BPIFB1: variants seen among roughly 807,000 people sequenced by gnomAD.
BPIFB1 encodes the protein BPI fold containing family B member 1, also known as BPI fold-containing family B member 1.
In BPIFB1, 34 loss-of-function variants were observed where a neutral mutation model predicts 55.1. The observed-to-expected ratio is 0.62, with a 90% CI of 0.47 to 0.82. The LOEUF (loss-of-function observed/expected upper bound fraction) is 0.82, where lower values mean the gene tolerates loss of function less well. BPIFB1 is among the 40% of genes least tolerant of loss of function. The pLI, the probability that BPIFB1 is intolerant of heterozygous loss-of-function variation, is 0.00. For synonymous variants in BPIFB1, 236 were observed against 245.3 expected, an observed-to-expected ratio of 0.96 and a Z score of 0.35; for missense variants, 532 against 593.1, an observed-to-expected ratio of 0.90 and a Z score of 1.07.
chr20:33,308,459 C>T (rs1251041101), intron 15 of BPIFB1, among the ~76,000 whole-genome samples: 1 of 151,854 alleles, frequency 6.6e-6, no homozygotes, highest in Non-Finnish European at 1.5e-5. Flanking sequence ...TATACACACA[C>T]ACACGCACAC....
At chr20:33,303,711 G>T (rs554116450) in intron 11 of BPIFB1, among the ~76,000 whole-genome samples, 1 of 152,134 alleles carries the variant, frequency 6.6e-6, no homozygotes, top group Non-Finnish European at 1.5e-5. Flanking sequence ...GGCTGCTTTC[G>T]TCGTCGTCAT....
At chr20:33,307,222 T>C (rs1981061234) in intron 15 of BPIFB1, 1 of 507,596 alleles carries the variant, frequency 2.0e-6, no homozygotes, top group Non-Finnish European at 3.5e-6. Context: ...CATTCATTCA[T>C]TCATTCATTC....
At position 33,295,084 on chromosome 20, in the gene BPIFB1, G is replaced by A. The variant is rs894351691; in HGVS notation, c.598-2441G>A. On this transcript the variant is annotated intron_variant, in intron 6 of 15. Coordinates refer to ENST00000253354, the MANE Select transcript of BPIFB1 (RefSeq NM_033197.3). ...ACAAAAATTAGCTGGGCGCAGTGGC[G>A]CACACCTGTAATCCTAACTACTTGG... 2.0e-5 allele frequency among the ~76,000 whole-genome samples: 3 copies of A among 151,774 alleles called. No individual in the cohort carries two copies. In the East Asian group the frequency reaches 5.8e-4, roughly 30 times the overall value.
rs776418767 is a variant in BPIFB1, at chr20:33,303,017, C to T, written c.1083C>T (p.Ile361=). The T allele has an allele frequency of 5.1e-5, 83 of 1,614,050 alleles. No individual in the cohort carries two copies. The South Asian group carries it at 7.9e-4, about 15-fold the overall frequency. Residue 361 remains isoleucine (I), a synonymous_variant, in exon 11 of 16, where the codon ATC becomes ATT. Transcript: ENST00000253354. The part of the protein sequence containing the change: ...DQGHAKVAQL[I]VLEVFPSSEA... ...GCCATGCCAAGGTGGCCCAACTGAT[C>T]GTGCTGGAAGTGTTTCCCTCCAGTG...
At chr20:33,297,449 T>A in intron 6 of BPIFB1, 76 bp from the exon 7 acceptor site, 3 of 1,515,238 alleles carry the variant, frequency 2.0e-6, no homozygotes, top group Non-Finnish European at 2.7e-6. Flanking sequence ...CCAGGTGGGC[T>A]GGGCACAGCC....
At chr20:33,290,120 C>A in intron 4 of BPIFB1, 128 bp downstream of exon 4, 3 of 709,804 alleles carry the variant, frequency 4.2e-6, no homozygotes, top group Non-Finnish European at 7.4e-6. Flanking sequence ...AGTGCAGAGG[C>A]CCTGTGGCAG....
At position 33,303,958 on chromosome 20, in the gene BPIFB1, G is replaced by A; in HGVS notation, c.1141G>A (p.Glu381Lys). Residue 381 changes from glutamate to lysine, a missense_variant and splice_region_variant, in exon 12 of 16, where the codon GAA (glutamate) becomes AAA (lysine). Coordinates refer to ENST00000253354, the MANE Select transcript of BPIFB1 (RefSeq NM_033197.3). ...ALRPLFTLGI[E>K]ASSEAQFYTK... ...GGGGCCTGGGCTTCTCTTGTTGCAG[G>A]AAGCCAGCTCGGAAGCTCAGTTTTA... The A allele has an allele frequency of 6.2e-7, 1 of 1,613,968 alleles. No homozygotes were observed. The highest frequency in any genetic ancestry group is 8.5e-7 in the Non-Finnish European group (1 of 1,179,970).
intron 12 of BPIFB1, 64 bp downstream of exon 12, chr20:33,304,089 G>A (rs1191291546): frequency 6.7e-7 from 1 of 1,489,694 alleles, no homozygotes; most frequent in South Asian, 1.2e-5. Flanking sequence ...GTAACCATGG[G>A]TTTCTTTAAA....
At chr20:33,301,193 A>C in intron 8 of BPIFB1, 40 bp from the exon 9 acceptor site, 1 of 1,585,634 alleles carries the variant, frequency 6.3e-7, no homozygotes, top group Non-Finnish European at 8.6e-7. Context: ...TAAGCTGCAG[A>C]GTTAAAATTC....
intron 15 of BPIFB1, among the ~76,000 whole-genome samples, chr20:33,308,787 A>AT (rs1981131065): frequency 6.7e-6 from 1 of 149,506 alleles, no homozygotes; most frequent in Non-Finnish European, 1.5e-5. Context: ...ACACACACAC[A>AT]CATAATACAC....
chr20:33,284,574 G>A (rs1980203968), intron 1 of BPIFB1, among the ~76,000 whole-genome samples: 1 of 152,144 alleles, frequency 6.6e-6, no homozygotes, highest in South Asian at 2.1e-4. Flanking sequence ...ACTGCTCCAG[G>A]GCACAGGAGA....
chr20:33,290,058 C>T, intron 4 of BPIFB1, 66 bp downstream of exon 4: 7 of 1,247,898 alleles, frequency 5.6e-6, no homozygotes, highest in South Asian at 1.2e-5. Context: ...CCCTCCCCCG[C>T]CCCCACCATG....
chr20:33,287,529 G>A (rs1177490240), intron 2 of BPIFB1, among the ~76,000 whole-genome samples: 1 of 152,334 alleles, frequency 6.6e-6, no homozygotes, highest in East Asian at 1.9e-4. Context: ...GATGGAGGGG[G>A]TAGCCAAGGA....
In BPIFB1 at chr20:33,292,007, T is replaced by C; in HGVS notation, c.597+19T>C. The C allele has an allele frequency of 6.2e-7, 1 of 1,611,900 alleles. No homozygotes were observed. The highest frequency in any genetic ancestry group is 8.5e-7 in the Non-Finnish European group (1 of 1,177,906). On this transcript the variant is annotated intron_variant, in intron 6 of 15. Coordinates refer to ENST00000253354, the MANE Select transcript of BPIFB1 (RefSeq NM_033197.3). ...AAACCAGGTGAGTGGAATCAGGGCC[T>C]CTCTGGCCTGTGGGCATTGCGCCCC...
intron 3 of BPIFB1, 117 bp from the exon 4 acceptor site, chr20:33,289,767 AG>A: frequency 1.2e-6 from 1 of 836,734 alleles, no homozygotes; most frequent in Non-Finnish European, 2.0e-6. Flanking sequence ...GTCGGTGGGC[AG>A]GGCCAGGGTC....
chr20:33,295,337 G>A (rs188478099), intron 6 of BPIFB1, among the ~76,000 whole-genome samples: 9 of 151,378 alleles, frequency 5.9e-5, no homozygotes, highest in African/African-American at 1.7e-4. Context: ...TGGTCGTGGC[G>A]GCTCACTCCT....
At chr20:33,305,945 T>C (rs1197519310) in intron 13 of BPIFB1, 57 bp from the exon 14 acceptor site, 75 of 1,584,722 alleles carry the variant, frequency 4.7e-5, no homozygotes, top group Non-Finnish European at 6.3e-5. Flanking sequence ...CGAAGAATGA[T>C]GGGGGGGAAC....
intron 2 of BPIFB1, 106 bp from the exon 3 acceptor site, chr20:33,288,635 T>C (rs972079959): frequency 7.3e-6 from 10 of 1,377,568 alleles, no homozygotes; most frequent in Admixed American, 2.0e-5. Context: ...CACCCTCGCC[T>C]TACCTCAGGG....
Position 33,309,630 on chromosome 20 carries a change from T to G in BPIFB1, c.1396-78T>G. The G allele has an allele frequency of 7.1e-7, 1 of 1,416,348 alleles. No homozygotes were observed. The highest frequency in any genetic ancestry group is 1.2e-5 in the South Asian group (1 of 86,612). The allele number at this position is 1,416,348 out of a possible 1,614,324, so 87.7% of individuals were successfully genotyped here. On this transcript the variant is annotated intron_variant, in intron 15 of 15. Coordinates refer to ENST00000253354, the MANE Select transcript of BPIFB1 (RefSeq NM_033197.3). This position sits in a 1 kb window ranked among gnomAD's most constrained non-coding sequence, Gnocchi z 4.4. ...TCCCCCGGTGCCAGCAGTCACCTTA[T>G]GGAGGACAAAACCAGCATAAACCAC...
Sources: allele counts gnomAD v4.1 joint callset (sites outside exome capture counted in the v4.1 genomes callset), GRCh38; gene constraint gnomAD v4.1.1; non-coding constraint Gnocchi (gnomAD v3.1); transcripts MANE v1.5; gene names NCBI Gene and HGNC (gene_info 2026-07-23, HGNC 2026-07-21).